IQGAP2: variants seen among roughly 807,000 people sequenced by gnomAD.
The protein encoded by IQGAP2 is IQ motif containing GTPase activating protein 2.
IQGAP2 carries 173 observed loss-of-function variants against 201.3 expected under a neutral mutation model. The ratio of observed to expected loss-of-function variants is 0.86; its 90% CI spans 0.76 to 0.98. IQGAP2 has a LOEUF of 0.98. IQGAP2 is among the 50% of genes least tolerant of loss of function. IQGAP2 has a pLI of 0.00. For synonymous variants in IQGAP2, 675 were observed against 673.9 expected, an observed-to-expected ratio of 1.00 and a Z score of -0.03; for missense variants, 1,687 against 1,864.8, an observed-to-expected ratio of 0.90 and a Z score of 1.76.
chr5:76,632,374 G>C (rs1488824785), intron 15 of IQGAP2, among the ~76,000 whole-genome samples: 1 of 152,116 alleles, frequency 6.6e-6, no homozygotes, highest in East Asian at 1.9e-4. Flanking sequence ...CTTTGTGATT[G>C]CACAGTATTA....
intron 13 of IQGAP2, chr5:76,623,178 A>G (rs1292394774): frequency 6.2e-7 from 1 of 1,614,088 alleles, no homozygotes; most frequent in Non-Finnish European, 8.5e-7. Context: ...ACTCTGACAA[A>G]AAGTGGGCAA....
intron 2 of IQGAP2, among the ~76,000 whole-genome samples, chr5:76,511,591 G>A (rs138744525): frequency 4.1e-4 from 62 of 152,118 alleles, no homozygotes; most frequent in African/African-American, 1.5e-3. Flanking sequence ...TACTGAGACT[G>A]GCACACTGCC....
At chr5:76,597,913 TGTG>T (rs1747154443) in intron 10 of IQGAP2, among the ~76,000 whole-genome samples, 1 of 152,222 alleles carries the variant, frequency 6.6e-6, no homozygotes, top group South Asian at 2.1e-4. Context: ...GCTATACCGA[TGTG>T]GTATTTTTTT....
chr5:76,705,175 A>C (rs1747764259), intron 35 of IQGAP2, among the ~76,000 whole-genome samples: 1 of 152,148 alleles, frequency 6.6e-6, no homozygotes, highest in African/African-American at 2.4e-5. Context: ...ATAATTATGG[A>C]AGATAATGCA....
At chr5:76,458,505 A>G (rs1004469696) in intron 1 of IQGAP2, among the ~76,000 whole-genome samples, 5 of 152,152 alleles carry the variant, frequency 3.3e-5, no homozygotes, top group African/African-American at 2.4e-5. Flanking sequence ...AAATTCCCTA[A>G]CCTTCCTAGA....
intron 14 of IQGAP2, 33 bp from the exon 15 acceptor site, chr5:76,631,826 C>A: frequency 2.0e-6 from 3 of 1,493,716 alleles, no homozygotes; most frequent in East Asian, 2.4e-5. Context: ...GGAAGATAAC[C>A]ATTAACAAGA....
intron 2 of IQGAP2, among the ~76,000 whole-genome samples, chr5:76,533,817 C>T (rs1193837552): frequency 6.6e-6 from 1 of 152,192 alleles, no homozygotes; most frequent in Non-Finnish European, 1.5e-5. Flanking sequence ...GGATTATAGG[C>T]GTGAGCCACC....
At chr5:76,540,180 T>A (rs187589615) in intron 2 of IQGAP2, among the ~76,000 whole-genome samples, 1 of 152,316 alleles carries the variant, frequency 6.6e-6, no homozygotes, top group African/African-American at 2.4e-5. Context: ...TGCTTCCTCT[T>A]CATATTCACC....
intron 4 of IQGAP2, among the ~76,000 whole-genome samples, chr5:76,571,685 T>G (rs936737509): frequency 6.6e-6 from 1 of 152,196 alleles, no homozygotes; most frequent in African/African-American, 2.4e-5. Flanking sequence ...TGATAAAAAT[T>G]GTAGAACTAT....
Position 76,677,280 on chromosome 5 carries a change from A to G in IQGAP2, c.3590A>G (p.Tyr1197Cys). 6.2e-7 allele frequency: 1 copy of G among 1,613,610 alleles called. No individual in the cohort carries two copies. The highest frequency in any genetic ancestry group is 1.1e-5 in the South Asian group (1 of 91,028). ...GAAGAGAAGTTTAATATGGACAAAT[A>G]CACAGACCTGGTGACAGTCAGCAAA... is the stretch of plus-strand genomic sequence containing the variant. ...EPEEKFNMDK[Y>C]TDLVTVSKPV... The change falls in exon 28 of 36, where the codon TAC becomes TGC. Residue 1197 changes from tyrosine to cysteine, a missense_variant. By Grantham distance (194) the Tyr-to-Cys change is radical. Transcript: ENST00000274364.
chr5:76,646,534 C>T (rs960968047), intron 17 of IQGAP2, among the ~76,000 whole-genome samples: 3 of 152,094 alleles, frequency 2.0e-5, no homozygotes, highest in East Asian at 3.9e-4. Context: ...TGAGAAGCAC[C>T]GTTAAGATCA....
At position 76,597,564 on chromosome 5, in the gene IQGAP2, C is replaced by G. The variant is rs1205711927; in HGVS notation, c.1033C>G (p.Gln345Glu). Residue 345 changes from glutamine to glutamate, a missense_variant, in exon 10 of 36, where the codon CAG (glutamine) becomes GAG (glutamate). Physicochemically the swap from Gln to Glu is conservative, Grantham distance 29. Transcript: ENST00000274364. ...TTATCCCTTTGCTGCTGCCATGTAT[C>G]AGAACGAACTTTTCAACCTCCAGAA... is the stretch of plus-strand genomic sequence containing the variant. ...AVYPFAAAMYQNELFNLQKQN... is the reference protein window; with the variant it reads ...AVYPFAAAMYENELFNLQKQN... The G allele has an allele frequency of 1.2e-6, 2 of 1,613,958 alleles. No homozygotes were observed. The highest frequency in any genetic ancestry group is 3.3e-5 in the Admixed American group (2 of 59,982).
chr5:76,433,943 C>T (rs1752516098), intron 1 of IQGAP2, among the ~76,000 whole-genome samples: 1 of 152,164 alleles, frequency 6.6e-6, no homozygotes, highest in South Asian at 2.1e-4. Context: ...GGCTATAAAA[C>T]AAACTAGCTC....
chr5:76,608,866 T>C (rs1748020970), intron 12 of IQGAP2: 2 of 401,652 alleles, frequency 5.0e-6, no homozygotes, highest in East Asian at 4.2e-5. Context: ...TTACCTCATC[T>C]GCTGCCTCAA....
chr5:76,638,019 A>G (rs1446818257), intron 16 of IQGAP2, among the ~76,000 whole-genome samples: 1 of 152,174 alleles, frequency 6.6e-6, no homozygotes, highest in Non-Finnish European at 1.5e-5. Context: ...TCTCTTTTTA[A>G]CCAAACTATA....
chr5:76,575,755 C>G lies in IQGAP2; in HGVS notation c.444C>G (p.Cys148Trp). ...DRKNIPRMIYCIHALSLYLFK... is the reference protein window; with the variant it reads ...DRKNIPRMIYWIHALSLYLFK... ...AAAACATACCAAGAATGATATATTG[C>G]ATTCACGCACTGAGGTAGGGGGAAA... The change falls in exon 5 of 36, where the codon TGC (cysteine) becomes TGG (tryptophan). Residue 148 changes from cysteine to tryptophan, a missense_variant. By Grantham distance (215) the Cys-to-Trp change is radical. Transcript: ENST00000274364. The G allele has an allele frequency of 6.3e-7, 1 of 1,575,016 alleles. No individual in the cohort carries two copies. Among genetic ancestry groups the G allele is most frequent in the Admixed American group, 1.7e-5 (1 of 57,526 alleles).
rs115002864 is a variant in IQGAP2, at chr5:76,595,668, G to A, written c.908-1771G>A. ...CCCAGATACTGTAGAGACTGAGGTC[G>A]GAGGATCTCCAGAGCCCAGGAGGTC... On this transcript the variant is annotated intron_variant, in intron 9 of 35. Coordinates refer to ENST00000274364, the MANE Select transcript of IQGAP2 (RefSeq NM_006633.5). 3.9e-3 allele frequency among the ~76,000 whole-genome samples: 596 copies of A among 151,894 alleles called. 8 individuals are homozygous for A. Among genetic ancestry groups the A allele is most frequent in the African/African-American group, 0.013 (540 of 41,404 alleles).
intron 13 of IQGAP2, among the ~76,000 whole-genome samples, chr5:76,620,098 T>C (rs1185785560): frequency 6.6e-6 from 1 of 152,198 alleles, no homozygotes; most frequent in African/African-American, 2.4e-5. Flanking sequence ...TCCAGAAATA[T>C]AATCTGTTAT....
intron 5 of IQGAP2, among the ~76,000 whole-genome samples, chr5:76,576,623 T>C (rs3797373): frequency 0.21 from 32,284 of 152,154 alleles, 3,632 homozygotes; most frequent in South Asian, 0.4. Flanking sequence ...TTCCTGGCTC[T>C]TTTCCTCTCC....
Sources: gnomAD v4.1 joint callset for allele counts (sites outside exome capture counted in the v4.1 genomes callset) on GRCh38, gnomAD v4.1.1 for gene constraint, MANE v1.5 for transcripts, NCBI Gene and HGNC (gene_info 2026-07-23, HGNC 2026-07-21) for gene names.